The following GPHN variants were observed in gnomAD, a reference collection of about 807,000 sequenced individuals.
GPHN encodes the protein gephyrin.
In GPHN, 17 loss-of-function variants were observed where a neutral mutation model predicts 95.5. That is an observed-to-expected ratio of 0.18 (90% CI 0.12 to 0.27). The LOEUF (loss-of-function observed/expected upper bound fraction) is 0.27. Ranked by LOEUF, GPHN falls within the 10% of genes least tolerant of loss-of-function variation. The probability of loss-of-function intolerance (pLI) is 1.00; values close to 1 mark genes in which losing one functional copy is unlikely to be tolerated. For missense variants in GPHN, 660 were observed against 978.1 expected (o/e 0.67, Z 4.34); for synonymous variants, 320 against 322.5 (o/e 0.99, Z 0.08).
intron 9 of GPHN, among the ~76,000 whole-genome samples, chr14:66,994,563 T>A (rs544488400): frequency 1.3e-5 from 2 of 152,310 alleles, no homozygotes; most frequent in South Asian, 4.1e-4. Flanking sequence ...AAAGTACTAA[T>A]AAAATATCTC....
chr14:66,947,379 C>T (rs2067824385), intron 8 of GPHN, among the ~76,000 whole-genome samples: 1 of 152,140 alleles, frequency 6.6e-6, no homozygotes. Context: ...CTTTATAGCA[C>T]TTATAGTTAC....
chr14:66,852,469 G>A (rs769298805), intron 4 of GPHN, among the ~76,000 whole-genome samples: 1 of 152,228 alleles, frequency 6.6e-6, no homozygotes, highest in Non-Finnish European at 1.5e-5. Context: ...GAAAGGGGGA[G>A]TTAAAATATT....
Position 66,697,655 on chromosome 14 carries a change from C to CTA in GPHN, c.143+16471_143+16472dup, listed in dbSNP as rs10673706. Among the ~76,000 whole-genome samples, 6,156 of 148,170 alleles carry CTA rather than the reference C, an allele frequency of 0.042. 794 individuals are homozygous for CTA. In the East Asian group the frequency reaches 0.42, roughly 10 times the overall value. ...TGATCCACAGGTCAAATCTGGCCTG[C>CTA]TACTTGCCTTTTTTTTTTTTCTTTT... On this transcript the variant is annotated intron_variant, in intron 2 of 22. Transcript: ENST00000478722.
chr14:67,576,307 C>G, the GPHN span: 1 of 720,702 alleles, frequency 1.4e-6, no homozygotes, highest in Non-Finnish European at 2.4e-6. This position sits in a 1 kb window ranked among gnomAD's most constrained non-coding sequence, Gnocchi z 4.0. Flanking sequence ...CCCACATGGG[C>G]TTGGTCCCTT....
chr14:67,590,170 A>C, the GPHN span: 1 of 1,549,376 alleles, frequency 6.5e-7, no homozygotes, highest in Non-Finnish European at 8.7e-7. Context: ...GGGGCTTGGC[A>C]CTCTGAATTC....
Position 66,735,930 on chromosome 14 carries a change from A to G in GPHN, c.144-40534A>G, listed in dbSNP as rs141949640. ...TATAGCAATCTTAAGATATATAATG[A>G]TGATCTTCCCATTTTATAGACAGGG... is the stretch of plus-strand genomic sequence containing the variant. On this transcript the variant is annotated intron_variant, in intron 2 of 22. Transcript: ENST00000478722. Among the ~76,000 whole-genome samples, 9 of 152,298 alleles carry G rather than the reference A, an allele frequency of 5.9e-5. No homozygotes were observed. The South Asian group carries it at 1.7e-3, about 28-fold the overall frequency.
At chr14:66,728,277 C>A (rs1228993019) in intron 2 of GPHN, among the ~76,000 whole-genome samples, 1 of 152,068 alleles carries the variant, frequency 6.6e-6, no homozygotes, top group African/African-American at 2.4e-5. Flanking sequence ...TCTGCTAGGG[C>A]AGTGCAGAAG....
the GPHN span, among the ~76,000 whole-genome samples, chr14:67,554,061 A>G: frequency 6.6e-6 from 1 of 152,260 alleles, no homozygotes; most frequent in African/African-American, 2.4e-5. Context: ...GCATAACTCT[A>G]ACTCTCTGTC....
chr14:67,214,539 A>G, the GPHN span, among the ~76,000 whole-genome samples: 5 of 152,194 alleles, frequency 3.3e-5, no homozygotes, highest in African/African-American at 1.2e-4. Context: ...CTGTTTTGGT[A>G]CCAGTACCAT....
the GPHN span, among the ~76,000 whole-genome samples, chr14:67,602,850 G>T: frequency 9.3e-3 from 1,412 of 152,260 alleles, 77 homozygotes; most frequent in East Asian, 0.12. Flanking sequence ...TATTTAATGT[G>T]TCAATAAAGA....
At chr14:66,578,682 A>C (rs1278140354) in intron 1 of GPHN, among the ~76,000 whole-genome samples, 2 of 150,858 alleles carry the variant, frequency 1.3e-5, no homozygotes, top group Non-Finnish European at 3.0e-5. Flanking sequence ...AAGCAAACAA[A>C]AATTTCTTGC....
intron 5 of GPHN, among the ~76,000 whole-genome samples, chr14:66,896,892 C>G (rs1163651658): frequency 4.6e-5 from 7 of 152,010 alleles, no homozygotes; most frequent in South Asian, 2.1e-4. Context: ...AGAACATCTT[C>G]CACTTAAAAT....
At chr14:67,519,391 T>C in the GPHN span, among the ~76,000 whole-genome samples, 10 of 152,200 alleles carry the variant, frequency 6.6e-5, no homozygotes, top group African/African-American at 2.4e-4. Context: ...TGGGAAGTAA[T>C]CGAGGGTCTC....
chr14:66,906,985 G>A (rs953430298), intron 5 of GPHN, among the ~76,000 whole-genome samples: 2 of 152,116 alleles, frequency 1.3e-5, no homozygotes, highest in African/African-American at 4.8e-5. Flanking sequence ...GTGTTGCTGA[G>A]TTCTTCTATA....
chr14:67,341,070 G>A, the GPHN span, among the ~76,000 whole-genome samples: 401 of 152,334 alleles, frequency 2.6e-3, 5 homozygotes, highest in African/African-American at 8.2e-3. Flanking sequence ...AAAGTGCCGA[G>A]ATTGCAGCCT....
chr14:66,760,298 GT>G (rs1381137617), intron 2 of GPHN, among the ~76,000 whole-genome samples: 1 of 152,144 alleles, frequency 6.6e-6, no homozygotes, highest in Non-Finnish European at 1.5e-5. Flanking sequence ...AATTTTAGTA[GT>G]GTATCAAGAG....
At chr14:66,825,775 C>A (rs1247678201) in intron 4 of GPHN, among the ~76,000 whole-genome samples, 1 of 152,086 alleles carries the variant, frequency 6.6e-6, no homozygotes, top group Non-Finnish European at 1.5e-5. Context: ...AAAATCGAGT[C>A]GTATTGAGAG....
At chr14:67,345,769 T>A in the GPHN span, 1 of 1,609,746 alleles carries the variant, frequency 6.2e-7, no homozygotes, top group Non-Finnish European at 8.5e-7. Flanking sequence ...GCTACTTACC[T>A]GCAGAGAAGC....
intron 1 of GPHN, among the ~76,000 whole-genome samples, chr14:66,637,476 A>G (rs978897413): frequency 6.6e-6 from 1 of 152,166 alleles, no homozygotes; most frequent in South Asian, 2.1e-4. Flanking sequence ...TAGATAAGGA[A>G]TGAGACAACC....
Sources: gnomAD v4.1 joint callset for allele counts (sites outside exome capture counted in the v4.1 genomes callset) on GRCh38, gnomAD v4.1.1 for gene constraint, Gnocchi (gnomAD v3.1) non-coding constraint, MANE v1.5 for transcripts, NCBI Gene and HGNC (gene_info 2026-07-23, HGNC 2026-07-21) for gene names.